Variants in STAU2 observed in about 807,000 individuals in gnomAD.
The protein encoded by STAU2 is double-stranded RNA-binding protein Staufen homolog 2.
Under a neutral mutation model 65.9 loss-of-function variants are expected in STAU2, and 20 were observed. The observed-to-expected ratio is 0.30, with a 90% confidence interval of 0.21 to 0.44. The LOEUF is 0.44. Ranked by LOEUF, STAU2 falls within the 20% of genes least tolerant of loss-of-function variation. The pLI is 1.00. For missense variants in STAU2, 558 were observed against 683.9 expected (o/e 0.82, Z 2.05); for synonymous variants, 232 against 233.9 (o/e 0.99, Z 0.07).
At chr8:73,584,315 G>C (rs375554489) in intron 11 of STAU2, among the ~76,000 whole-genome samples, 5 of 152,100 alleles carry the variant, frequency 3.3e-5, no homozygotes, top group African/African-American at 1.2e-4. Context: ...GCTAACACAG[G>C]CATCCTTCAC....
At chr8:73,499,787 G>A (rs1006112664) in intron 13 of STAU2, among the ~76,000 whole-genome samples, 2 of 151,824 alleles carry the variant, frequency 1.3e-5, no homozygotes, top group South Asian at 2.1e-4. Context: ...TGTCACTGGA[G>A]AAGAAGATAA....
chr8:73,638,749 C>T (rs1436436114), intron 6 of STAU2, among the ~76,000 whole-genome samples: 3 of 151,714 alleles, frequency 2.0e-5, no homozygotes, highest in African/African-American at 7.3e-5. Context: ...GTTGAACATA[C>T]AAATGATTCC....
intron 6 of STAU2, among the ~76,000 whole-genome samples, chr8:73,640,412 T>C (rs1302149053): frequency 6.6e-6 from 1 of 152,176 alleles, no homozygotes; most frequent in African/African-American, 2.4e-5. Context: ...CCATACACTC[T>C]ATTATTCATT....
At chr8:73,576,368 C>A (rs1809555092) in intron 12 of STAU2, among the ~76,000 whole-genome samples, 1 of 151,302 alleles carries the variant, frequency 6.6e-6, no homozygotes, top group Non-Finnish European at 1.5e-5. Flanking sequence ...GGCAGAATTC[C>A]AGAGGGCAAT....
At chr8:73,665,906 G>A (rs776829104) in intron 6 of STAU2, among the ~76,000 whole-genome samples, 3 of 152,128 alleles carry the variant, frequency 2.0e-5, no homozygotes, top group Non-Finnish European at 2.9e-5. Context: ...GTCATCTCTA[G>A]ATTACTTATA....
intron 13 of STAU2, among the ~76,000 whole-genome samples, chr8:73,473,243 T>C (rs1441252534): frequency 6.6e-6 from 1 of 152,126 alleles, no homozygotes; most frequent in Admixed American, 6.5e-5. Flanking sequence ...CTGTTCTACA[T>C]GGTACAGTCT....
chr8:73,612,667 G>A (rs1410424869), intron 9 of STAU2, among the ~76,000 whole-genome samples: 2 of 151,972 alleles, frequency 1.3e-5, no homozygotes, highest in Non-Finnish European at 2.9e-5. Context: ...AGTTATTTTT[G>A]TATATATGTA....
intron 6 of STAU2, among the ~76,000 whole-genome samples, chr8:73,651,043 G>A (rs4386975): frequency 0.19 from 29,109 of 152,126 alleles, 3,016 homozygotes; most frequent in East Asian, 0.37. Flanking sequence ...ACCTTGTGGC[G>A]GGCAGCAGCC....
At chr8:73,741,695 T>C (rs1278235472) in intron 1 of STAU2, among the ~76,000 whole-genome samples, 1 of 152,106 alleles carries the variant, frequency 6.6e-6, no homozygotes, top group Non-Finnish European at 1.5e-5. Flanking sequence ...GTATTTTTTG[T>C]AGAGACGGGG....
At chr8:73,728,504 T>C (rs1411218613) in intron 3 of STAU2, among the ~76,000 whole-genome samples, 7 of 151,428 alleles carry the variant, frequency 4.6e-5, no homozygotes, top group Admixed American at 3.9e-4. Flanking sequence ...TGATAGAGAT[T>C]GCATTGAATC....
At chr8:73,517,772 G>A (rs574966873) in intron 13 of STAU2, among the ~76,000 whole-genome samples, 1 of 152,146 alleles carries the variant, frequency 6.6e-6, no homozygotes, top group South Asian at 2.1e-4. Flanking sequence ...AAGTAAGTTC[G>A]TGGCCTTTGA....
At chr8:73,647,471 C>T (rs774866101) in intron 6 of STAU2, among the ~76,000 whole-genome samples, 3 of 151,934 alleles carry the variant, frequency 2.0e-5, no homozygotes, top group African/African-American at 4.8e-5. Context: ...AGATGGAGAA[C>T]ACATTCATGG....
At chr8:73,671,668 T>TA (rs1817686317) in intron 6 of STAU2, among the ~76,000 whole-genome samples, 2 of 152,098 alleles carry the variant, frequency 1.3e-5, no homozygotes, top group Admixed American at 6.6e-5. Flanking sequence ...ACAACCTAGA[T>TA]AAAAAAATAG....
chr8:73,521,398 A>G (rs1043142057), intron 13 of STAU2, among the ~76,000 whole-genome samples: 1 of 152,216 alleles, frequency 6.6e-6, no homozygotes, highest in African/African-American at 2.4e-5. Context: ...TAGAGTTTAT[A>G]CCTCATTATT....
chr8:73,574,673 T>A (rs1441390615), intron 12 of STAU2, among the ~76,000 whole-genome samples: 1 of 152,070 alleles, frequency 6.6e-6, no homozygotes, highest in South Asian at 2.1e-4. Flanking sequence ...AACCAAACAC[T>A]GCATGTTCTC....
intron 1 of STAU2, among the ~76,000 whole-genome samples, chr8:73,741,166 G>A (rs1253377004): frequency 4.0e-5 from 6 of 149,038 alleles, no homozygotes; most frequent in South Asian, 2.1e-4. Context: ...TTAGCCGGGC[G>A]TGGTGGCGGG....
intron 13 of STAU2, among the ~76,000 whole-genome samples, chr8:73,536,265 T>C (rs1233347429): frequency 6.6e-6 from 1 of 152,168 alleles, no homozygotes; most frequent in East Asian, 1.9e-4. Flanking sequence ...AATTCCTAAG[T>C]TTTCTTTTTG....
intron 13 of STAU2, among the ~76,000 whole-genome samples, chr8:73,482,325 CAG>C (rs1273290426): frequency 6.8e-6 from 1 of 147,108 alleles, no homozygotes; most frequent in Non-Finnish European, 1.5e-5. Flanking sequence ...ATAAAGAAAA[CAG>C]AAAGATTTAT....
chr8:73,581,186 T>C (rs147192232), intron 12 of STAU2, among the ~76,000 whole-genome samples: 4 of 152,306 alleles, frequency 2.6e-5, no homozygotes, highest in African/African-American at 7.2e-5. Context: ...CAAAACATCA[T>C]TGTTTAATGA....
Sources: allele counts gnomAD v4.1 joint callset (sites outside exome capture counted in the v4.1 genomes callset), GRCh38; gene constraint gnomAD v4.1.1; transcripts MANE v1.5; gene names NCBI Gene and HGNC (gene_info 2026-07-23, HGNC 2026-07-21).